ANKRD42: variants seen among roughly 807,000 people sequenced by gnomAD.
ANKRD42 encodes ankyrin repeat domain-containing protein 42.
In ANKRD42, 43 loss-of-function variants were observed where a neutral mutation model predicts 51.5. The observed-to-expected ratio is 0.83, with a 90% CI of 0.65 to 1.08. The LOEUF is 1.08. ANKRD42 is among the 50% of genes least tolerant of loss of function. The probability of loss-of-function intolerance (pLI) is 0.00; values close to 1 mark genes in which losing one functional copy is unlikely to be tolerated. For synonymous variants in ANKRD42, 203 were observed against 213.0 expected (o/e 0.95, Z 0.41); for missense variants, 608 against 629.3 (o/e 0.97, Z 0.36).
downstream of ANKRD42, among the ~76,000 whole-genome samples, chr11:83,256,547 C>T (rs1234359194): frequency 2.6e-5 from 4 of 151,828 alleles, no homozygotes; most frequent in South Asian, 2.1e-4. Context: ...CTCTTTTTTC[C>T]TACCCCCCTC....
chr11:83,224,810 T>C lies in ANKRD42; in HGVS notation c.587-45T>C. The C allele has an allele frequency of 2.8e-6, 4 of 1,443,708 alleles. 1 individual carries two copies. The South Asian group carries it at 5.7e-5, about 21-fold the overall frequency. 89.4% of individuals were successfully genotyped at this position (1,443,708 alleles called of 1,614,324 possible). ...AAATACATACATACATACATAAAAA[T>C]TTTAAAAAATAAAAATTAAATTAAT... On this transcript the variant is annotated intron_variant, in intron 5 of 10. Coordinates refer to ENST00000533342, the MANE Select transcript of ANKRD42 (RefSeq NM_001300975.2).
chr11:83,208,619 T>C (rs371657660), intron 3 of ANKRD42, among the ~76,000 whole-genome samples: 3 of 152,072 alleles, frequency 2.0e-5, no homozygotes, highest in Admixed American at 6.6e-5. Flanking sequence ...AGCCAAGATA[T>C]CTTGCAAAGC....
chr11:83,205,983 T>C (rs1003415905), intron 2 of ANKRD42, 75 bp from the exon 3 acceptor site: 4 of 1,317,006 alleles, frequency 3.0e-6, no homozygotes, highest in South Asian at 1.3e-5. Context: ...TATTTTATGA[T>C]AACAGACCAA....
intron 3 of ANKRD42, chr11:83,209,731 C>T (rs894368021): frequency 2.1e-5 from 14 of 678,576 alleles, no homozygotes; most frequent in Admixed American, 1.7e-4. Context: ...CTTCTTGTTT[C>T]TCACTTTCAT....
chr11:83,218,166 C>G (rs889030598), intron 5 of ANKRD42, among the ~76,000 whole-genome samples: 1 of 152,188 alleles, frequency 6.6e-6, no homozygotes, highest in Non-Finnish European at 1.5e-5. Context: ...TTTCCTCTTT[C>G]TTACTGTGTA....
At chr11:83,212,457 G>A (rs1590975805) in intron 5 of ANKRD42, among the ~76,000 whole-genome samples, 1 of 152,284 alleles carries the variant, frequency 6.6e-6, no homozygotes. Flanking sequence ...TACTTCAGTT[G>A]TCTAACCTAC....
chr11:83,213,248 A>C (rs1307617888), intron 5 of ANKRD42: 1 of 1,598,412 alleles, frequency 6.3e-7, no homozygotes, highest in Non-Finnish European at 8.5e-7. Context: ...GGTCCACAAC[A>C]TCAAGGAGCT....
intron 5 of ANKRD42, chr11:83,214,662 A>C (rs1257539241): frequency 1.5e-6 from 1 of 669,782 alleles, no homozygotes; most frequent in African/African-American, 2.0e-5. Context: ...CAAATTTGAT[A>C]ATGTATAAAG....
In ANKRD42 at chr11:83,247,358, C is replaced by T. The variant is rs141329643; in HGVS notation, c.1323-585C>T. Among the ~76,000 whole-genome samples, 142 of 152,202 alleles carry T rather than the reference C, an allele frequency of 9.3e-4. 1 individual carries two copies. Among genetic ancestry groups the T allele is most frequent in the South Asian group, 7.7e-3 (37 of 4,824 alleles). ...TGCTGGGGTTACAGACGTGAGCCAC[C>T]GCGCCTGGCCTCCCTTTTATTCTTT... On this transcript the variant is annotated intron_variant, in intron 10 of 10. Transcript: ENST00000533342.
intron 6 of ANKRD42, 124 bp downstream of exon 6, chr11:83,225,179 A>G: frequency 1.3e-6 from 1 of 751,270 alleles, no homozygotes; most frequent in Non-Finnish European, 2.0e-6. Flanking sequence ...ATATGTAAAA[A>G]TATAAACATG....
chr11:83,203,519 G>A (rs1402927545), intron 2 of ANKRD42, among the ~76,000 whole-genome samples: 9 of 149,956 alleles, frequency 6.0e-5, no homozygotes, highest in African/African-American at 1.2e-4. Context: ...TCAGCCTCCC[G>A]AATAGCTGGG....
Position 83,212,725 on chromosome 11 carries a change from C to T in ANKRD42, c.586+1295C>T, listed in dbSNP as rs190029292. The T allele has an allele frequency of 2.7e-5, 41 of 1,536,072 alleles. No individual in the cohort carries two copies. The East Asian group carries it at 9.0e-4, about 34-fold the overall frequency. On this transcript the variant is annotated intron_variant, in intron 5 of 10. Coordinates refer to ENST00000533342, the MANE Select transcript of ANKRD42 (RefSeq NM_001300975.2). ...CTGGACTTACATAATTTGGCACCTA[C>T]CTACCTGCATGGCCTCATCTTTCTA...
chr11:83,236,737 G>T (rs994336334), intron 8 of ANKRD42, among the ~76,000 whole-genome samples: 1 of 152,160 alleles, frequency 6.6e-6, no homozygotes, highest in African/African-American at 2.4e-5. Context: ...CCTCATGGGA[G>T]GGGTCTTTGG....
chr11:83,203,295 T>C lies in ANKRD42; in HGVS notation c.223-2763T>C, dbSNP rs548813266. 4.6e-5 allele frequency among the ~76,000 whole-genome samples: 7 copies of C among 152,246 alleles called. 1 individual carries two copies. The highest frequency in any genetic ancestry group is 1.7e-4 in the African/African-American group (7 of 41,564). ...TGTGAGCCACCATGCCCCAGCCTGT[T>C]TGTTGGATTTTAACAAGCATAAACA... On this transcript the variant is annotated intron_variant, in intron 2 of 10. Coordinates refer to ENST00000533342, the MANE Select transcript of ANKRD42 (RefSeq NM_001300975.2).
intron 2 of ANKRD42, 141 bp from the exon 3 acceptor site, chr11:83,205,917 C>A: frequency 1.5e-6 from 1 of 657,288 alleles, no homozygotes; most frequent in Non-Finnish European, 2.5e-6. Context: ...TGCCATGTCA[C>A]TGTGCTTGTG....
intron 1 of ANKRD42, among the ~76,000 whole-genome samples, chr11:83,195,894 G>C (rs542798662): frequency 6.7e-6 from 1 of 148,910 alleles, no homozygotes; most frequent in East Asian, 2.0e-4. Flanking sequence ...CCCCATGCTG[G>C]AGTGCAGTGG....
In ANKRD42 at chr11:83,210,244, A is replaced by G. The variant is rs547981018; in HGVS notation, c.331-56A>G. On this transcript the variant is annotated intron_variant, in intron 3 of 10. Coordinates refer to ENST00000533342, the MANE Select transcript of ANKRD42 (RefSeq NM_001300975.2). ...TTGCCTTTGTATAATCTGCATCTGCATTTATGGTTTAACATCTATACTCAT... is the reference window on the plus strand; with the variant it reads ...TTGCCTTTGTATAATCTGCATCTGCGTTTATGGTTTAACATCTATACTCAT... 9 of 1,549,568 alleles carry G rather than the reference A, an allele frequency of 5.8e-6. No homozygotes were observed. In the African/African-American group the frequency reaches 9.6e-5, roughly 16 times the overall value.
At chr11:83,197,301 A>C (rs1193645009) in intron 1 of ANKRD42, among the ~76,000 whole-genome samples, 1 of 152,074 alleles carries the variant, frequency 6.6e-6, no homozygotes, top group Non-Finnish European at 1.5e-5. Context: ...GTGTTGGCGG[A>C]AAAAAAATGT....
rs1009085382 is a variant in ANKRD42 at position 83,212,800 on chromosome 11, C to CTGA, written c.586+1371_586+1372insGAT. On this transcript the variant is annotated intron_variant, in intron 5 of 10. Transcript: ENST00000533342. Reference sequence around the variant, plus strand: ...CATTTTGTTTTTTTCTGAAGGTCGTCTTTCAGTGTTCATTTAGTGAAGTCT... The same window carrying CTGA: ...CATTTTGTTTTTTTCTGAAGGTCGTCTGATTTCAGTGTTCATTTAGTGAAGTCT... 4 of 1,490,330 alleles carry CTGA rather than the reference C, an allele frequency of 2.7e-6. No homozygotes were observed. The African/African-American group carries it at 5.6e-5, about 21-fold the overall frequency. The allele number at this position is 1,490,330 out of a possible 1,614,324, so 92.3% of individuals were successfully genotyped here.
Sources: gnomAD v4.1 joint callset for allele counts (sites outside exome capture counted in the v4.1 genomes callset) on GRCh38, gnomAD v4.1.1 for gene constraint, MANE v1.5 for transcripts, NCBI Gene and HGNC (gene_info 2026-07-23, HGNC 2026-07-21) for gene names.